The following MOB3A variants were observed in gnomAD, a reference collection of about 807,000 sequenced individuals.
The protein encoded by MOB3A is MOB kinase activator 3A, also known as MOB LAK.
MOB3A carries 17 observed loss-of-function variants against 17.8 expected under a neutral mutation model. That is an observed-to-expected ratio of 0.95 (90% confidence interval 0.65 to 1.43). The LOEUF is 1.43. MOB3A is among the 40% of genes most tolerant of loss of function. The pLI is 0.00. For synonymous variants in MOB3A, 124 were observed against 133.2 expected, an observed-to-expected ratio of 0.93 and a Z score of 0.48; for missense variants, 333 against 310.8, an observed-to-expected ratio of 1.07 and a Z score of -0.54.
Position 2,078,147 on chromosome 19 carries a change from G to A in MOB3A, c.414C>T (p.Thr138=). 2.5e-6 allele frequency: 4 copies of A among 1,570,604 alleles called. No homozygotes were observed. Among genetic ancestry groups the A allele is most frequent in the South Asian group, 1.2e-5 (1 of 85,254 alleles). ...AQINNEDLFP[T]NVGTPFPKNF... ...CTGCCAGCTCTGACTCACCAACGTT[G>A]GTGGGGAAGAGGTCCTCGTTGTTGA... The change falls in exon 3 of 5, where the codon ACC becomes ACT. Residue 138 remains threonine, a synonymous_variant. Transcript: ENST00000357066.
rs569718059 is a variant in MOB3A, at chr19:2,080,417, A to G, written c.-119-1738T>C. 7.3e-5 allele frequency among the ~76,000 whole-genome samples: 11 copies of G among 151,364 alleles called. No homozygotes were observed. The East Asian group carries it at 1.9e-3, about 27-fold the overall frequency. ...TTTTGAGGCAGAGTCTCGCTCTGTCACCCAGGCTGGAGTGCAGTAGCGCGA... is the reference window on the plus strand; with the variant it reads ...TTTTGAGGCAGAGTCTCGCTCTGTCGCCCAGGCTGGAGTGCAGTAGCGCGA... On this transcript the variant is annotated intron_variant, in intron 2 of 4. Transcript: ENST00000357066.
intron 1 of MOB3A, among the ~76,000 whole-genome samples, chr19:2,086,997 T>C (rs111411154): frequency 1.3e-3 from 196 of 151,372 alleles, no homozygotes; most frequent in African/African-American, 4.1e-3. Context: ...TGCTATGTTG[T>C]CCAGGCTGGT....
intron 1 of MOB3A, among the ~76,000 whole-genome samples, chr19:2,092,115 GT>G (rs2017621099): frequency 1.2e-5 from 1 of 86,606 alleles, no homozygotes; most frequent in Non-Finnish European, 2.2e-5. Flanking sequence ...CTGCCTGTTT[GT>G]TTGAGATGAG....
chr19:2,089,668 G>C (rs555650473), intron 1 of MOB3A, among the ~76,000 whole-genome samples: 3 of 152,092 alleles, frequency 2.0e-5, no homozygotes, highest in East Asian at 1.9e-4. Context: ...ATCCACAGAG[G>C]GGGAGAGGAA....
intron 2 of MOB3A, among the ~76,000 whole-genome samples, chr19:2,079,140 C>T (rs2017454371): frequency 1.3e-5 from 2 of 152,224 alleles, no homozygotes; most frequent in South Asian, 2.1e-4. Flanking sequence ...AAGAGAACTG[C>T]GCGTGGCGAG....
rs534868080 is a variant in MOB3A, at chr19:2,091,002, A to C, written c.-274+5224T>G. 2.0e-5 allele frequency among the ~76,000 whole-genome samples: 3 copies of C among 152,314 alleles called. No homozygotes were observed. The East Asian group carries it at 5.8e-4, about 29-fold the overall frequency. On this transcript the variant is annotated intron_variant, in intron 1 of 4. Transcript: ENST00000357066. ...TTTTAACACACTTTTAAAACTAATAAGCTGAATATAAAGCTCTGCATTAAA... is the reference window on the plus strand; with the variant it reads ...TTTTAACACACTTTTAAAACTAATACGCTGAATATAAAGCTCTGCATTAAA...
intron 2 of MOB3A, among the ~76,000 whole-genome samples, chr19:2,080,187 C>T (rs1317531768): frequency 2.0e-5 from 3 of 152,160 alleles, no homozygotes; most frequent in Admixed American, 6.5e-5. Context: ...GACTGTGACA[C>T]TTGGGGCAAG....
At chr19:2,085,963 C>CAAAA (rs1036097194) in intron 1 of MOB3A, among the ~76,000 whole-genome samples, 1 of 33,390 alleles carries the variant, frequency 3.0e-5, no homozygotes, top group Non-Finnish European at 5.6e-5. Flanking sequence ...GACTCTGTCT[C>CAAAA]AAAAAAAAAA....
intron 4 of MOB3A, among the ~76,000 whole-genome samples, chr19:2,075,028 TTTTC>T (rs891026242): frequency 6.7e-6 from 1 of 148,962 alleles, no homozygotes; most frequent in Non-Finnish European, 1.5e-5. Context: ...TAATCTTTTC[TTTTC>T]TTTTTTTTTT....
intron 1 of MOB3A, among the ~76,000 whole-genome samples, chr19:2,090,811 C>T (rs530992882): frequency 6.6e-6 from 1 of 152,196 alleles, no homozygotes; most frequent in Admixed American, 6.5e-5. Flanking sequence ...TTACAGCTGC[C>T]TGCAACCGTG....
chr19:2,078,366 C>T lies in MOB3A; in HGVS notation c.195G>A (p.Val65=). 1 of 1,614,208 alleles carries T rather than the reference C, an allele frequency of 6.2e-7. No individual in the cohort carries two copies. The highest frequency in any genetic ancestry group is 1.1e-5 in the South Asian group (1 of 91,090). ...GGTTGACGCGGTTAAAGAAGTCCAC[C>T]ACGTGAACAGCCACCCAGTCGTTCA... ...EDLNDWVAVH[V]VDFFNRVNLI... is the part of the protein sequence containing the mutation. The change falls in exon 3 of 5, where the codon GTG becomes GTA. Residue 65 remains valine (V), a synonymous_variant. Transcript: ENST00000357066.
Position 2,093,019 on chromosome 19 carries a change from A to G in MOB3A, c.-274+3207T>C, listed in dbSNP as rs2017630711. Among the ~76,000 whole-genome samples, 1 of 152,026 alleles carries G rather than the reference A, an allele frequency of 6.6e-6. No homozygotes were observed. Among genetic ancestry groups the G allele is most frequent in the South Asian group, 2.1e-4 (1 of 4,830 alleles). The stretch of plus-strand genomic sequence containing the variant: ...GCCATTTGACCTTCTAAATGCCAGG[A>G]AAACAGGAACAGAGCTCATCGGCTG... On this transcript the variant is annotated intron_variant, in intron 1 of 4. Coordinates refer to ENST00000357066, the MANE Select transcript of MOB3A (RefSeq NM_130807.3). The surrounding 1 kb of genome is among the most constrained non-coding windows in gnomAD (Gnocchi z 4.6).
At position 2,076,795 on chromosome 19, in the gene MOB3A, C is replaced by A; in HGVS notation, c.624+16G>T. Reference sequence around the variant, plus strand: ...CCCCACCGTAACCGCACGCCCTCAGCCCCAAGCCCGCGCACCAGTGGCTCC... The same window carrying A: ...CCCCACCGTAACCGCACGCCCTCAGACCCAAGCCCGCGCACCAGTGGCTCC... On this transcript the variant is annotated intron_variant, in intron 4 of 4. Coordinates refer to ENST00000357066, the MANE Select transcript of MOB3A (RefSeq NM_130807.3). The A allele has an allele frequency of 3.7e-6, 6 of 1,612,374 alleles. No individual in the cohort carries two copies. Among genetic ancestry groups the A allele is most frequent in the Non-Finnish European group, 5.1e-6 (6 of 1,179,694 alleles).
In MOB3A at chr19:2,077,026, G is replaced by C; in HGVS notation, c.422-13C>G. Reference sequence around the variant, plus strand: ...GGAAACGGAGTGCCTGCAGGGAGAGGGGTGGGACGGGTCCACGGACTCAGC... The same window carrying C: ...GGAAACGGAGTGCCTGCAGGGAGAGCGGTGGGACGGGTCCACGGACTCAGC... On this transcript the variant is annotated splice_polypyrimidine_tract_variant and intron_variant, in intron 3 of 4. Coordinates refer to ENST00000357066, the MANE Select transcript of MOB3A (RefSeq NM_130807.3). 1 of 1,608,780 alleles carries C rather than the reference G, an allele frequency of 6.2e-7. No homozygotes were observed. Among genetic ancestry groups the C allele is most frequent in the Non-Finnish European group, 8.5e-7 (1 of 1,177,806 alleles).
intron 4 of MOB3A, among the ~76,000 whole-genome samples, chr19:2,075,746 G>C (rs2017396777): frequency 6.6e-6 from 1 of 152,086 alleles, no homozygotes; most frequent in Non-Finnish European, 1.5e-5. Context: ...CTGGTCCCTG[G>C]GTTCGTCTCC....
Position 2,078,306 on chromosome 19 carries a change from C to A in MOB3A, c.255G>T (p.Glu85Asp). The A allele has an allele frequency of 6.2e-7, 1 of 1,614,178 alleles. No homozygotes were observed. The highest frequency in any genetic ancestry group is 8.5e-7 in the Non-Finnish European group (1 of 1,180,012). ...IYGTISDGCT[E>D]QSCPVMSGGP... The stretch of plus-strand genomic sequence containing the variant: ...CCCCCGACATGACGGGGCAGGACTG[C>A]TCCGTGCAGCCGTCGCTGATGGTGC... The change falls in exon 3 of 5, where the codon GAG becomes GAT. Residue 85 changes from glutamate (E) to aspartate (D), a missense_variant. Coordinates refer to ENST00000357066, the MANE Select transcript of MOB3A (RefSeq NM_130807.3).
chr19:2,078,114 C>CG, intron 3 of MOB3A, 26 bp downstream of exon 3: 1 of 1,538,056 alleles, frequency 6.5e-7, no homozygotes, highest in Non-Finnish European at 8.8e-7. Flanking sequence ...CTCTGTATCC[C>CG]CGAGCCCCTG....
chr19:2,096,341 C>T (rs1282006932), upstream of MOB3A: 3 of 156,788 alleles, frequency 1.9e-5, no homozygotes, highest in Non-Finnish European at 2.8e-5. Flanking sequence ...GCGGGAACGC[C>T]CCACACGCAT....
At position 2,081,278 on chromosome 19, in the gene MOB3A, G is replaced by A. The variant is rs114779474; in HGVS notation, c.-119-2599C>T. Reference sequence around the variant, plus strand: ...CTGGGGGTCGGGGGGAAGAGATGCTGCATTGTTTGGAAAAAAAGCAAGTTA... The same window carrying A: ...CTGGGGGTCGGGGGGAAGAGATGCTACATTGTTTGGAAAAAAAGCAAGTTA... On this transcript the variant is annotated intron_variant, in intron 2 of 4. Transcript: ENST00000357066. 4.3e-3 allele frequency among the ~76,000 whole-genome samples: 655 copies of A among 152,240 alleles called. 9 individuals carry two copies. Among genetic ancestry groups the A allele is most frequent in the African/African-American group, 0.015 (627 of 41,546 alleles).
Sources: allele counts gnomAD v4.1 joint callset (sites outside exome capture counted in the v4.1 genomes callset), GRCh38; gene constraint gnomAD v4.1.1; non-coding constraint Gnocchi (gnomAD v3.1); transcripts MANE v1.5; gene names NCBI Gene and HGNC (gene_info 2026-07-23, HGNC 2026-07-21).